The following SMARCC1 variants were observed in gnomAD, a reference collection of about 807,000 sequenced individuals.
SMARCC1 encodes the protein SWI/SNF complex subunit SMARCC1.
Under a neutral mutation model 147.4 loss-of-function variants are expected in SMARCC1, and 43 were observed. The observed-to-expected ratio is 0.29, with a 90% CI of 0.23 to 0.38. The LOEUF is 0.38. Ranked by LOEUF, SMARCC1 falls within the 10% of genes least tolerant of loss-of-function variation. The probability of loss-of-function intolerance (pLI) is 1.00; values close to 1 mark genes in which losing one functional copy is unlikely to be tolerated. For synonymous variants in SMARCC1, 495 were observed against 484.4 expected (o/e 1.02, Z -0.29); for missense variants, 1,119 against 1,381.1 (o/e 0.81, Z 3.01).
intron 8 of SMARCC1, among the ~76,000 whole-genome samples, chr3:47,711,572 T>A (rs752652565): frequency 5.4e-4 from 82 of 152,160 alleles, no homozygotes; most frequent in Non-Finnish European, 7.8e-4. Context: ...ACATGTTCAG[T>A]CAAGAACAGA....
intron 2 of SMARCC1, among the ~76,000 whole-genome samples, chr3:47,755,518 T>C (rs1244934869): frequency 1.4e-5 from 2 of 140,474 alleles, no homozygotes; most frequent in African/African-American, 5.3e-5. Context: ...AAAGAAAAAC[T>C]AATTAAATAA....
chr3:47,771,258 C>T (rs923673570), intron 2 of SMARCC1, among the ~76,000 whole-genome samples: 6 of 152,074 alleles, frequency 3.9e-5, no homozygotes, highest in Admixed American at 1.3e-4. Context: ...AGTTGTTAAA[C>T]GATTTAGTGA....
At chr3:47,686,228 A>ATG in intron 13 of SMARCC1, 58 bp from the exon 14 acceptor site, 1 of 1,341,264 alleles carries the variant, frequency 7.5e-7, no homozygotes, top group Non-Finnish European at 1.1e-6. Context: ...AGATATATAT[A>ATG]ACATCTCTTA....
intron 19 of SMARCC1, 51 bp from the exon 20 acceptor site, chr3:47,662,643 T>C: frequency 1.3e-6 from 2 of 1,510,648 alleles, no homozygotes; most frequent in Non-Finnish European, 1.8e-6. Flanking sequence ...GAAAGTAATG[T>C]GTAATATTAG....
At chr3:47,717,985 C>A (rs1243103598) in intron 7 of SMARCC1, among the ~76,000 whole-genome samples, 3 of 151,728 alleles carry the variant, frequency 2.0e-5, no homozygotes, top group Non-Finnish European at 2.9e-5. Context: ...GAGCACCCCC[C>A]CTGCCCCCGC....
Position 47,755,922 on chromosome 3 carries a change from G to A in SMARCC1, c.316-9929C>T, listed in dbSNP as rs1457137443. 1.3e-5 allele frequency among the ~76,000 whole-genome samples: 2 copies of A among 150,000 alleles called. 1 individual carries two copies. The highest frequency in any genetic ancestry group is 1.3e-4 in the Admixed American group (2 of 14,938). On this transcript the variant is annotated intron_variant, in intron 2 of 27. Transcript: ENST00000254480. Reference sequence around the variant, plus strand: ...AGGGAATCGCTTGAATCCGGGAGGCGGAGGTTACGGTGAGCTGAGATGGTG... The same window carrying A: ...AGGGAATCGCTTGAATCCGGGAGGCAGAGGTTACGGTGAGCTGAGATGGTG...
intron 2 of SMARCC1, among the ~76,000 whole-genome samples, chr3:47,770,372 G>A (rs1030402766): frequency 2.6e-5 from 4 of 152,064 alleles, no homozygotes; most frequent in Admixed American, 2.6e-4. Context: ...TATAATCCCA[G>A]CACTTTGGGA....
chr3:47,644,491 G>C (rs2033092609), intron 21 of SMARCC1, among the ~76,000 whole-genome samples: 1 of 152,080 alleles, frequency 6.6e-6, no homozygotes. Flanking sequence ...ACAAGACACT[G>C]TCTCAAAAGA....
At chr3:47,753,586 T>C (rs2034653612) in intron 2 of SMARCC1, among the ~76,000 whole-genome samples, 1 of 151,110 alleles carries the variant, frequency 6.6e-6, no homozygotes, top group African/African-American at 2.4e-5. Flanking sequence ...TGGTGGTGCA[T>C]GCCTGTAATC....
rs779700387 is a variant in SMARCC1, at chr3:47,638,768, T to A, written c.2333A>T (p.Glu778Val). The change falls in exon 22 of 28, where the codon GAG becomes GTG. Residue 778 changes from glutamate (E) to valine (V), a missense_variant. This residue lies in a region of SMARCC1 where 157 missense variants were observed against 158.6 expected (regional missense o/e 0.99). Coordinates refer to ENST00000254480, the MANE Select transcript of SMARCC1 (RefSeq NM_003074.4). ...ATCAGGGTCGGCTTCCATTTTTTCC[T>A]CTTCAGCTCCTTCTACAAGTAAAAG... ...DEPEKLEGAE[E>V]EKMEADPDGQ... The A allele has an allele frequency of 2.5e-6, 4 of 1,612,518 alleles. No homozygotes were observed. The highest frequency in any genetic ancestry group is 3.4e-6 in the Non-Finnish European group (4 of 1,178,496).
intron 5 of SMARCC1, among the ~76,000 whole-genome samples, chr3:47,733,611 G>C (rs1265857383): frequency 6.6e-6 from 1 of 151,810 alleles, no homozygotes; most frequent in Non-Finnish European, 1.5e-5. Flanking sequence ...CAAGGGCCAG[G>C]TGCGGTGGCT....
intron 26 of SMARCC1, among the ~76,000 whole-genome samples, chr3:47,598,825 C>CA (rs59776566): frequency 7.2e-4 from 50 of 68,990 alleles, no homozygotes; most frequent in African/African-American, 2.6e-3. Flanking sequence ...GACTCTGTCT[C>CA]AAAAAAAAAA....
At chr3:47,728,670 G>A (rs1299574255) in intron 6 of SMARCC1, among the ~76,000 whole-genome samples, 1 of 152,142 alleles carries the variant, frequency 6.6e-6, no homozygotes, top group African/African-American at 2.4e-5. Context: ...ACTTTGGGAG[G>A]CCAAGGTGGG....
chr3:47,758,810 G>C (rs1462784606), intron 2 of SMARCC1, among the ~76,000 whole-genome samples: 2 of 151,992 alleles, frequency 1.3e-5, no homozygotes, highest in Admixed American at 6.6e-5. Flanking sequence ...GAGGTGGGTG[G>C]ATGACCTGAG....
chr3:47,597,082 C>T (rs2032296097), intron 26 of SMARCC1, among the ~76,000 whole-genome samples: 2 of 148,186 alleles, frequency 1.3e-5, no homozygotes, highest in Admixed American at 6.8e-5. Context: ...GAGGCTGAGG[C>T]AGGAGTTGCA....
intron 25 of SMARCC1, among the ~76,000 whole-genome samples, chr3:47,621,831 AAAAG>A (rs1031466266): frequency 9.9e-5 from 15 of 151,966 alleles, no homozygotes; most frequent in Non-Finnish European, 1.9e-4. Context: ...AAAAAAAAAA[AAAAG>A]AAAGAAAATC....
At chr3:47,616,840 A>T (rs1186274767) in intron 25 of SMARCC1, among the ~76,000 whole-genome samples, 1 of 152,166 alleles carries the variant, frequency 6.6e-6, no homozygotes, top group Non-Finnish European at 1.5e-5. Flanking sequence ...AAAGCTTTAT[A>T]TTTGATTTTG....
At chr3:47,668,874 A>G (rs1379314071) in intron 19 of SMARCC1, among the ~76,000 whole-genome samples, 2 of 151,930 alleles carry the variant, frequency 1.3e-5, no homozygotes, top group African/African-American at 2.4e-5. Flanking sequence ...GAAGGGAGAA[A>G]AACCCTGTCT....
intron 7 of SMARCC1, among the ~76,000 whole-genome samples, chr3:47,717,434 T>C (rs368141738): frequency 6.6e-6 from 1 of 152,342 alleles, no homozygotes; most frequent in East Asian, 1.9e-4. Context: ...AGGAAGAACC[T>C]ATAAAACTAT....
Sources: allele counts gnomAD v4.1 joint callset (sites outside exome capture counted in the v4.1 genomes callset), GRCh38; gene constraint gnomAD v4.1.1; regional missense constraint gnomAD v4.1.1; transcripts MANE v1.5; gene names NCBI Gene and HGNC (gene_info 2026-07-23, HGNC 2026-07-21).